PAX3: variants seen among roughly 807,000 people sequenced by gnomAD.
The protein encoded by PAX3 is paired box 3.
PAX3 carries 14 observed loss-of-function variants against 51.6 expected under a neutral mutation model. The ratio of observed to expected loss-of-function variants is 0.27; its 90% confidence interval spans 0.18 to 0.42. The LOEUF (loss-of-function observed/expected upper bound fraction) is 0.42, where lower values mean the gene tolerates loss of function less well. Ranked by LOEUF, PAX3 falls within the 10% of genes least tolerant of loss-of-function variation. The pLI is 1.00. For missense variants in PAX3, 540 were observed against 642.8 expected (o/e 0.84, Z 1.73); for synonymous variants, 280 against 253.4 (o/e 1.11, Z -1.00).
chr2:222,217,015 C>T (rs1416447972), intron 7 of PAX3, among the ~76,000 whole-genome samples: 1 of 152,080 alleles, frequency 6.6e-6, no homozygotes, highest in Non-Finnish European at 1.5e-5. Context: ...GGCAGAAGGC[C>T]TATGATGACA....
chr2:222,296,236 A>G lies in PAX3; in HGVS notation c.322-579T>C, dbSNP rs569324472. ...GAAGAAGAAGGTTCCAAAGATTCTT[A>G]GAAAGGCTGTGAAAGTGTTTCAGTA... On this transcript the variant is annotated intron_variant, in intron 2 of 8. Coordinates refer to ENST00000392070, the MANE Select transcript of PAX3 (RefSeq NM_181458.4). Among the ~76,000 whole-genome samples, 7 of 152,388 alleles carry G rather than the reference A, an allele frequency of 4.6e-5. No individual in the cohort carries two copies. In the South Asian group the frequency reaches 1.4e-3, roughly 32 times the overall value.
chr2:222,276,618 G>T (rs1227113554), intron 4 of PAX3, among the ~76,000 whole-genome samples: 1 of 152,188 alleles, frequency 6.6e-6, no homozygotes, highest in Non-Finnish European at 1.5e-5. Context: ...GCTTCCATTT[G>T]TCAGAGGAGG....
intron 4 of PAX3, among the ~76,000 whole-genome samples, chr2:222,255,191 G>A (rs1693593627): frequency 6.6e-6 from 1 of 152,172 alleles, no homozygotes; most frequent in South Asian, 2.1e-4. Context: ...CACTAGTGGG[G>A]AAGATAATGT....
Position 222,267,425 on chromosome 2 carries a change from A to G in PAX3, c.586+26742T>C, listed in dbSNP as rs188670802. On this transcript the variant is annotated intron_variant, in intron 4 of 8. Transcript: ENST00000392070. ...TATGACTTTTAGTCACCCTTTCAAA[A>G]GGCATCAAAATATGCTATGTATTTT... 1.5e-4 allele frequency among the ~76,000 whole-genome samples: 23 copies of G among 152,310 alleles called. No homozygotes were observed. In the East Asian group the frequency reaches 4.4e-3, roughly 29 times the overall value.
intron 7 of PAX3, among the ~76,000 whole-genome samples, chr2:222,204,140 A>G (rs1260854855): frequency 3.3e-5 from 5 of 152,172 alleles, no homozygotes; most frequent in South Asian, 2.1e-4. Context: ...GCAGAGCCCA[A>G]TTTTGTTTTA....
In PAX3 at chr2:222,282,761, T is replaced by C. The variant is rs559761404; in HGVS notation, c.586+11406A>G. Among the ~76,000 whole-genome samples the C allele has an allele frequency of 3.3e-5, 5 of 152,302 alleles. No individual in the cohort carries two copies. In the East Asian group the frequency reaches 9.6e-4, roughly 29 times the overall value. On this transcript the variant is annotated intron_variant, in intron 4 of 8. Transcript: ENST00000392070. ...AGTAAATAGGGAAAAAGTAGAATTT[T>C]TAAAAAGGAACCAATAAGTCAAAGA...
rs552768342 is a variant in PAX3, at chr2:222,243,086, A to C, written c.587-10803T>G. 1.6e-4 allele frequency among the ~76,000 whole-genome samples: 25 copies of C among 152,346 alleles called. 1 individual carries two copies. Among genetic ancestry groups the C allele is most frequent in the Admixed American group, 9.8e-4 (15 of 15,304 alleles). ...CTAGGACAAAACTACCGAAAGATACACAAAACCTAAACAGCTTTATCCACA... is the reference window on the plus strand; with the variant it reads ...CTAGGACAAAACTACCGAAAGATACCCAAAACCTAAACAGCTTTATCCACA... On this transcript the variant is annotated intron_variant, in intron 4 of 8. Transcript: ENST00000392070.
At chr2:222,251,095 A>T (rs908289331) in intron 4 of PAX3, among the ~76,000 whole-genome samples, 25 of 152,040 alleles carry the variant, frequency 1.6e-4, no homozygotes, top group African/African-American at 6.0e-4. Flanking sequence ...ATACATTTTT[A>T]TTTATTTATT....
At chr2:222,245,943 T>C (rs1693214026) in intron 4 of PAX3, among the ~76,000 whole-genome samples, 1 of 152,054 alleles carries the variant, frequency 6.6e-6, no homozygotes, top group African/African-American at 2.4e-5. Context: ...ATCATGCCAC[T>C]GCATTCCAGC....
intron 4 of PAX3, among the ~76,000 whole-genome samples, chr2:222,292,075 A>G (rs1051085374): frequency 6.6e-6 from 1 of 151,106 alleles, no homozygotes; most frequent in Middle Eastern, 3.2e-3. Context: ...AAAATGTAGC[A>G]ATTGCCCTTG....
intron 4 of PAX3, among the ~76,000 whole-genome samples, chr2:222,242,196 TG>T (rs1693042108): frequency 6.6e-6 from 1 of 152,194 alleles, no homozygotes. Flanking sequence ...ACGTTTTTTT[TG>T]ATCCAAGTGT....
rs11347336 is a variant in PAX3 at position 222,294,808 on chromosome 2, CTT to C, written c.452-509_452-508del. Among the ~76,000 whole-genome samples, 725 of 111,254 alleles carry C rather than the reference CTT, an allele frequency of 6.5e-3. 4 individuals carry two copies. The highest frequency in any genetic ancestry group is 0.017 in the Middle Eastern group (3 of 174). 73.0% of individuals were successfully genotyped at this position (111,254 alleles called of 152,430 possible). A position where few individuals can be genotyped will look rare whatever the true frequency, so the allele number is the denominator to read the frequency against. Reference sequence around the variant, plus strand: ...AAGTTTCTTTTTTTTCCTTTCTTCCCTTTTTTTTTTTTTTTTAAGGCTATAAA... The same window carrying C: ...AAGTTTCTTTTTTTTCCTTTCTTCCCTTTTTTTTTTTTTTAAGGCTATAAA... On this transcript the variant is annotated intron_variant, in intron 3 of 8. Coordinates refer to ENST00000392070, the MANE Select transcript of PAX3 (RefSeq NM_181458.4).
At chr2:222,260,911 C>T (rs1373449462) in intron 4 of PAX3, among the ~76,000 whole-genome samples, 1 of 152,066 alleles carries the variant, frequency 6.6e-6, no homozygotes, top group Admixed American at 6.5e-5. Context: ...TAAAATAATG[C>T]TTTCCTTAGA....
At chr2:222,287,769 TAGG>T (rs1694882763) in intron 4 of PAX3, among the ~76,000 whole-genome samples, 1 of 152,186 alleles carries the variant, frequency 6.6e-6, no homozygotes, top group African/African-American at 2.4e-5. Flanking sequence ...TATTAATTAA[TAGG>T]AGGATTATAA....
chr2:222,235,923 G>A (rs1338411334), intron 4 of PAX3, among the ~76,000 whole-genome samples: 2 of 152,192 alleles, frequency 1.3e-5, no homozygotes, highest in Non-Finnish European at 2.9e-5. Context: ...ATCTAACTGG[G>A]AAAACCACCA....
chr2:222,286,392 T>A (rs780454282), intron 4 of PAX3, among the ~76,000 whole-genome samples: 8 of 152,246 alleles, frequency 5.3e-5, no homozygotes, highest in Non-Finnish European at 1.0e-4. Context: ...AAGGAATTAC[T>A]GAATGAGTTT....
At chr2:222,204,739 A>G (rs184843397) in intron 7 of PAX3, among the ~76,000 whole-genome samples, 387 of 152,330 alleles carry the variant, frequency 2.5e-3, no homozygotes, top group Admixed American at 4.2e-3. Flanking sequence ...ATCAGTCCAG[A>G]GAGGAAAGAT....
chr2:222,249,946 C>T (rs1693364600), intron 4 of PAX3, among the ~76,000 whole-genome samples: 1 of 152,142 alleles, frequency 6.6e-6, no homozygotes, highest in Non-Finnish European at 1.5e-5. Context: ...AATAGGGTTT[C>T]TTTCCCAATT....
chr2:222,245,401 T>C (rs1417560247), intron 4 of PAX3, among the ~76,000 whole-genome samples: 1 of 152,234 alleles, frequency 6.6e-6, no homozygotes, highest in Non-Finnish European at 1.5e-5. Context: ...CAAAACAAAG[T>C]ATAATTGTGA....
Sources: allele counts gnomAD v4.1 joint callset (sites outside exome capture counted in the v4.1 genomes callset), GRCh38; gene constraint gnomAD v4.1.1; transcripts MANE v1.5; gene names NCBI Gene and HGNC (gene_info 2026-07-23, HGNC 2026-07-21).